Variants in DNAJC2 observed in about 807,000 individuals in gnomAD.
DNAJC2 encodes dnaJ homolog subfamily C member 2.
A neutral mutation model predicts 94.0 loss-of-function variants in DNAJC2; 32 were observed. That is an observed-to-expected ratio of 0.34 (90% CI 0.26 to 0.46). DNAJC2 has a LOEUF of 0.46. Among genes scored for constraint, DNAJC2 ranks in the 20% least tolerant of loss-of-function variants. DNAJC2 has a pLI of 1.00. For missense variants in DNAJC2, 550 were observed against 719.5 expected (o/e 0.76, Z 2.69); for synonymous variants, 210 against 229.7 (o/e 0.91, Z 0.77).
In DNAJC2 at chr7:103,322,361, A is replaced by G. The variant is rs180788647; in HGVS notation, c.933+150T>C. On this transcript the variant is annotated intron_variant, in intron 9 of 16. Transcript: ENST00000379263. ...ACGTGCTGGTAAGGAAGATCTCTCAATTATACCAACTGGTCATGATTCATT... is the reference window on the plus strand; with the variant it reads ...ACGTGCTGGTAAGGAAGATCTCTCAGTTATACCAACTGGTCATGATTCATT... 116 of 899,170 alleles carry G rather than the reference A, an allele frequency of 1.3e-4. No individual in the cohort carries two copies. The East Asian group carries it at 2.7e-3, about 21-fold the overall frequency. 55.7% of individuals were successfully genotyped at this position (899,170 alleles called of 1,614,324 possible).
chr7:103,344,347 G>A (rs1457866170), intron 1 of DNAJC2: 2 of 595,090 alleles, frequency 3.4e-6, no homozygotes, highest in African/African-American at 1.9e-5. Flanking sequence ...GCAACGGTAG[G>A]AGCAAAAGGA....
At chr7:103,313,364 A>C in intron 15 of DNAJC2, 1 of 1,134,072 alleles carries the variant, frequency 8.8e-7, no homozygotes, top group Non-Finnish European at 1.1e-6. Flanking sequence ...TTATCTCTTA[A>C]AAATCAATGT....
At chr7:103,325,461 A>C (rs866764545) in intron 5 of DNAJC2, among the ~76,000 whole-genome samples, 36 of 151,422 alleles carry the variant, frequency 2.4e-4, no homozygotes, top group African/African-American at 8.2e-4. Flanking sequence ...AAAAAAAAAA[A>C]CCAAAAAACA....
At chr7:103,344,350 C>A in intron 1 of DNAJC2, 1 of 597,830 alleles carries the variant, frequency 1.7e-6, no homozygotes, top group Non-Finnish European at 2.9e-6. Flanking sequence ...ACGGTAGGAG[C>A]AAAAGGAAGG....
rs539129414 is a variant in DNAJC2 at position 103,323,791 on chromosome 7, T to G, written c.654-128A>C. The G allele has an allele frequency of 3.7e-5, 26 of 708,812 alleles. 1 individual carries two copies. The South Asian group carries it at 7.6e-4, about 21-fold the overall frequency. The allele number at this position is 708,812 out of a possible 1,614,324, so 43.9% of individuals were successfully genotyped here. The stretch of plus-strand genomic sequence containing the variant: ...CTTCTAGTATTGAACTAAGGTCAAG[T>G]CTTTCTCCTTTTTTAAGGACATTGC... On this transcript the variant is annotated intron_variant, in intron 6 of 16. Transcript: ENST00000379263.
intron 1 of DNAJC2, among the ~76,000 whole-genome samples, chr7:103,342,385 C>T (rs769283594): frequency 1.4e-4 from 21 of 151,486 alleles, no homozygotes; most frequent in Non-Finnish European, 2.4e-4. Context: ...GGCTCAATGC[C>T]GTCTCCACCT....
intron 13 of DNAJC2, 29 bp downstream of exon 13, chr7:103,316,801 T>G (rs758622278): frequency 6.3e-7 from 1 of 1,591,308 alleles, no homozygotes; most frequent in South Asian, 1.1e-5. Flanking sequence ...CCAGTGTGAG[T>G]TGAAGAAAAG....
intron 3 of DNAJC2, among the ~76,000 whole-genome samples, chr7:103,333,647 C>T (rs1377155464): frequency 6.6e-6 from 1 of 152,148 alleles, no homozygotes; most frequent in Non-Finnish European, 1.5e-5. Flanking sequence ...TCCCTTGTAC[C>T]CTTTTCCACT....
Position 103,322,054 on chromosome 7 carries a change from G to A in DNAJC2, c.961C>T (p.Arg321Trp), listed in dbSNP as rs748044603. The change falls in exon 10 of 17, where the codon CGG becomes TGG. Residue 321 changes from arginine to tryptophan, a missense_variant. Transcript: ENST00000379263. Reference sequence around the variant, plus strand: ...TCCTCTTCTTTCTCCTTAGCTAACCGAGCAGCTTCTAATTCAGCTTGTCTT... The same window carrying A: ...TCCTCTTCTTTCTCCTTAGCTAACCAAGCAGCTTCTAATTCAGCTTGTCTT... The part of the protein sequence containing the change: ...KQRQAELEAA[R>W]LAKEKEEEEV... 30 of 1,611,790 alleles carry A rather than the reference G, an allele frequency of 1.9e-5. No individual in the cohort carries two copies. The highest frequency in any genetic ancestry group is 2.4e-5 in the Non-Finnish European group (28 of 1,178,984).
intron 5 of DNAJC2, 134 bp from the exon 6 acceptor site, chr7:103,324,696 C>T (rs963734415): frequency 1.1e-5 from 10 of 897,234 alleles, no homozygotes; most frequent in Non-Finnish European, 1.4e-5. Context: ...CTCTACAACT[C>T]GAAGATGGAG....
intron 3 of DNAJC2, among the ~76,000 whole-genome samples, chr7:103,331,641 A>G (rs532057282): frequency 2.6e-4 from 40 of 152,166 alleles, no homozygotes; most frequent in African/African-American, 8.9e-4. Flanking sequence ...AGCTTATTTC[A>G]CTCAACATAA....
chr7:103,335,337 T>G (rs1181758056), intron 3 of DNAJC2: 1 of 152,196 alleles, frequency 6.6e-6, no homozygotes, highest in Non-Finnish European at 1.5e-5. Flanking sequence ...CAGAAAGCAA[T>G]GAGTAGCAAC....
intron 10 of DNAJC2, 100 bp from the exon 11 acceptor site, chr7:103,319,944 A>G: frequency 7.7e-7 from 1 of 1,300,338 alleles, no homozygotes; most frequent in Non-Finnish European, 1.1e-6. Flanking sequence ...CTGAGGCAGG[A>G]GAATCGCTTG....
Position 103,315,755 on chromosome 7 carries a change from A to T in DNAJC2, c.1636+9T>A. On this transcript the variant is annotated intron_variant, in intron 15 of 16. Coordinates refer to ENST00000379263, the MANE Select transcript of DNAJC2 (RefSeq NM_014377.3). ...TAGCATTTTCTACGTTTAGAAAAGC[A>T]AAATTTACCTTCAAATCGTTCTGAA... The T allele has an allele frequency of 6.2e-7, 1 of 1,610,504 alleles. No homozygotes were observed. Among genetic ancestry groups the T allele is most frequent in the Non-Finnish European group, 8.5e-7 (1 of 1,176,988 alleles).
chr7:103,321,916 G>C lies in DNAJC2; in HGVS notation c.1083+16C>G. 1 of 1,601,392 alleles carries C rather than the reference G, an allele frequency of 6.2e-7. No individual in the cohort carries two copies. The highest frequency in any genetic ancestry group is 1.1e-5 in the South Asian group (1 of 89,046). ...CTTGATTTACTTGTGCCTAGTGTTT[G>C]TTCAGTCTGATATACCTTGCATGAG... On this transcript the variant is annotated intron_variant, in intron 10 of 16. Transcript: ENST00000379263.
intron 5 of DNAJC2, among the ~76,000 whole-genome samples, chr7:103,325,757 AAAAC>A (rs1818670827): frequency 6.6e-6 from 1 of 152,268 alleles, no homozygotes; most frequent in Admixed American, 6.5e-5. Context: ...TAACTATTTT[AAAAC>A]AAACTTTAAT....
At chr7:103,335,070 G>C (rs1819117540) in intron 3 of DNAJC2, among the ~76,000 whole-genome samples, 1 of 152,150 alleles carries the variant, frequency 6.6e-6, no homozygotes, top group South Asian at 2.1e-4. Flanking sequence ...CTGACCTCAG[G>C]TGATCCACCT....
At chr7:103,329,680 G>T (rs1414258877) in intron 3 of DNAJC2, among the ~76,000 whole-genome samples, 1 of 151,986 alleles carries the variant, frequency 6.6e-6, no homozygotes, top group Non-Finnish European at 1.5e-5. Context: ...ACTGATTTGT[G>T]ACACTATAAT....
chr7:103,317,271 C>T (rs1423936432), intron 12 of DNAJC2: 1 of 402,752 alleles, frequency 2.5e-6, no homozygotes, highest in Non-Finnish European at 4.4e-6. Context: ...CTTCCATTAG[C>T]CTTGGACACT....
Sources: allele counts gnomAD v4.1 joint callset (sites outside exome capture counted in the v4.1 genomes callset), GRCh38; gene constraint gnomAD v4.1.1; transcripts MANE v1.5; gene names NCBI Gene and HGNC (gene_info 2026-07-23, HGNC 2026-07-21).